Variants in CLASP1 observed in about 807,000 individuals in gnomAD.
CLASP1 encodes cytoplasmic linker associated protein 1, also known as CLIP-associating protein 1.
In CLASP1, 38 loss-of-function variants were observed where a neutral mutation model predicts 192.3. That is an observed-to-expected ratio of 0.20 (90% CI 0.15 to 0.26). CLASP1 has a LOEUF of 0.26. Among genes scored for constraint, CLASP1 ranks in the 10% least tolerant of loss-of-function variants. The pLI, the probability that CLASP1 is intolerant of heterozygous loss-of-function variation, is 1.00. For synonymous variants in CLASP1, 691 were observed against 712.8 expected, an observed-to-expected ratio of 0.97 and a Z score of 0.49; for missense variants, 1,433 against 1,932.5, an observed-to-expected ratio of 0.74 and a Z score of 4.85.
intron 24 of CLASP1, among the ~76,000 whole-genome samples, chr2:121,408,789 C>T (rs753676615): frequency 9.2e-5 from 14 of 152,128 alleles, no homozygotes; most frequent in African/African-American, 1.4e-4. Flanking sequence ...CACTACTAGG[C>T]GAAGGAGCAG....
intron 32 of CLASP1, among the ~76,000 whole-genome samples, chr2:121,385,231 G>A (rs576729750): frequency 6.6e-5 from 10 of 152,242 alleles, no homozygotes; most frequent in South Asian, 6.2e-4. Context: ...TTTTAGTTGC[G>A]AGAAAAATCA....
Position 121,458,971 on chromosome 2 carries a change from G to T in CLASP1, c.1183C>A (p.Leu395Met), listed in dbSNP as rs371571878. The T allele has an allele frequency of 5.4e-5, 87 of 1,601,256 alleles. No individual in the cohort carries two copies. Among genetic ancestry groups the T allele is most frequent in the Non-Finnish European group, 7.2e-5 (85 of 1,174,898 alleles). The stretch of plus-strand genomic sequence containing the variant: ...AACTTATTCCCCAGAACTGATGACA[G>T]ATGCCTAAAACAAGAAAAGGATACT... Residue 395 changes from leucine (L) to methionine (M), a missense_variant, in exon 13 of 40, where the codon CTG (leucine) becomes ATG (methionine). Physicochemically the swap from Leu to Met is conservative, Grantham distance 15. Transcript: ENST00000263710.
intron 2 of CLASP1, among the ~76,000 whole-genome samples, chr2:121,571,330 C>T (rs1300311524): frequency 1.3e-5 from 2 of 152,020 alleles, no homozygotes; most frequent in East Asian, 3.9e-4. Flanking sequence ...TGTGTGCCAC[C>T]ATGCCCAGCT....
At chr2:121,464,868 T>G (rs1330426302) in intron 9 of CLASP1, among the ~76,000 whole-genome samples, 3 of 152,226 alleles carry the variant, frequency 2.0e-5, no homozygotes, top group Non-Finnish European at 4.4e-5. Flanking sequence ...ATTTGTCAAT[T>G]TTGGCTTCTG....
intron 9 of CLASP1, among the ~76,000 whole-genome samples, chr2:121,465,114 C>T (rs2089250211): frequency 6.6e-6 from 1 of 152,162 alleles, no homozygotes; most frequent in Non-Finnish European, 1.5e-5. Context: ...TGGCACAAGA[C>T]AGGGATGCCC....
chr2:121,451,911 A>AT, intron 14 of CLASP1, 62 bp from the exon 15 acceptor site: 1 of 1,198,568 alleles, frequency 8.3e-7, no homozygotes, highest in Admixed American at 2.1e-5. Flanking sequence ...TGAAAACGGC[A>AT]TTTTTCTTAA....
chr2:121,541,560 C>T (rs1021211233), intron 2 of CLASP1, among the ~76,000 whole-genome samples: 1 of 152,112 alleles, frequency 6.6e-6, no homozygotes, highest in African/African-American at 2.4e-5. Flanking sequence ...TCTTTTTCAT[C>T]TCTCTTTCTC....
intron 2 of CLASP1, among the ~76,000 whole-genome samples, chr2:121,564,451 T>G (rs1438207629): frequency 1.3e-5 from 2 of 152,174 alleles, no homozygotes; most frequent in Non-Finnish European, 2.9e-5. Context: ...AAGATTTTAG[T>G]CAGAAAGGGC....
At chr2:121,341,067 G>C (rs2062723901) in intron 39 of CLASP1, 120 bp from the exon 41 acceptor site, 3 of 695,824 alleles carry the variant, frequency 4.3e-6, no homozygotes, top group Non-Finnish European at 7.7e-6. Context: ...CCTTGGTTGA[G>C]GAATTCATTA....
intron 10 of CLASP1, among the ~76,000 whole-genome samples, chr2:121,462,041 G>C (rs979630009): frequency 6.6e-6 from 1 of 151,996 alleles, no homozygotes; most frequent in Non-Finnish European, 1.5e-5. Context: ...AGCAACAGAC[G>C]ATACTAAGGC....
Position 121,646,818 on chromosome 2 carries a change from A to G in CLASP1, c.-286+2554T>C, listed in dbSNP as rs1353093992. ...TTTGGGAGGCTGAGGCAGGCGGATC[A>G]TGAGGTCAGGATATCAAGGCCATCC... On this transcript the variant is annotated intron_variant, in intron 1 of 39. Transcript: ENST00000263710. 5.3e-5 allele frequency among the ~76,000 whole-genome samples: 8 copies of G among 151,966 alleles called. No individual in the cohort carries two copies. In the East Asian group the frequency reaches 1.6e-3, roughly 30 times the overall value.
chr2:121,564,876 A>G (rs1057047778), intron 2 of CLASP1, among the ~76,000 whole-genome samples: 4 of 152,328 alleles, frequency 2.6e-5, no homozygotes, highest in Admixed American at 2.0e-4. Flanking sequence ...TGGTCCCTAA[A>G]TAAGTTCTGG....
exon 40 of CLASP1, chr2:121,340,831 C>T (rs575141508): frequency 6.4e-7 from 1 of 1,569,820 alleles, no homozygotes; most frequent in Non-Finnish European, 8.7e-7. Context: ...CCGATTGCTT[C>T]TAGGTCTACA....
At chr2:121,582,385 G>C (rs116534405) in intron 2 of CLASP1, among the ~76,000 whole-genome samples, 172 of 148,620 alleles carry the variant, frequency 1.2e-3, no homozygotes, top group African/African-American at 4.1e-3. Context: ...CAGAAAGATG[G>C]ATGGATGGAT....
At chr2:121,648,686 G>A (rs2073637425) in intron 1 of CLASP1, among the ~76,000 whole-genome samples, 1 of 152,178 alleles carries the variant, frequency 6.6e-6, no homozygotes, top group Non-Finnish European at 1.5e-5. Flanking sequence ...GAGCGTCTCT[G>A]CCAATACCAA....
At chr2:121,596,000 C>A (rs1044996985) in intron 2 of CLASP1, among the ~76,000 whole-genome samples, 1 of 152,190 alleles carries the variant, frequency 6.6e-6, no homozygotes, top group African/African-American at 2.4e-5. Context: ...GAGAAAGCTA[C>A]CTGCTCAAAT....
At chr2:121,430,976 T>TAAA (rs34189269) in intron 19 of CLASP1, among the ~76,000 whole-genome samples, 1 of 140,356 alleles carries the variant, frequency 7.1e-6, no homozygotes. Flanking sequence ...GATTAAACTT[T>TAAA]AAAAAAAAAA....
intron 37 of CLASP1, among the ~76,000 whole-genome samples, chr2:121,349,218 T>C (rs1306123398): frequency 6.6e-6 from 1 of 151,032 alleles, no homozygotes; most frequent in Non-Finnish European, 1.5e-5. Context: ...CCAGCCTGGG[T>C]GACAGTGCAA....
At chr2:121,606,362 G>A (rs13018316) in intron 1 of CLASP1, among the ~76,000 whole-genome samples, 182 bp from the exon 2 acceptor site, 11,002 of 152,214 alleles carry the variant, frequency 0.072, 422 homozygotes, top group Admixed American at 0.093. Flanking sequence ...TTTTTATCAG[G>A]AAGAACATCG....
Sources: gnomAD v4.1 joint callset for allele counts (sites outside exome capture counted in the v4.1 genomes callset) on GRCh38, gnomAD v4.1.1 for gene constraint, MANE v1.5 for transcripts, NCBI Gene and HGNC (gene_info 2026-07-23, HGNC 2026-07-21) for gene names.